PGPEP1L: variants seen among roughly 807,000 people sequenced by gnomAD.
The protein encoded by PGPEP1L is pyroglutamyl-peptidase I like.
A neutral mutation model predicts 6.0 loss-of-function variants in PGPEP1L; 7 were observed. The ratio of observed to expected loss-of-function variants is 1.17; its 90% CI spans 0.66 to 2.19. The LOEUF is 2.19. Among genes scored for constraint, PGPEP1L ranks in the 30% most tolerant of loss-of-function variants. The pLI is 0.00. For synonymous variants in PGPEP1L, 103 were observed against 83.9 expected, an observed-to-expected ratio of 1.23 and a Z score of -1.24; for missense variants, 209 against 192.5, an observed-to-expected ratio of 1.09 and a Z score of -0.51.
Position 98,969,592 on chromosome 15 carries a change from G to C in PGPEP1L, c.42C>G (p.Gly14=), listed in dbSNP as rs61743649. Residue 14 remains glycine, a synonymous_variant, in exon 4 of 5, where the codon GGC becomes GGG. Transcript: ENST00000535714. ...CGGCGTCCCGGTAGCCTTGGTTCTTGCCAGACTGTTCCAGAATGATCGCCT... is the reference window on the plus strand; with the variant it reads ...CGGCGTCCCGGTAGCCTTGGTTCTTCCCAGACTGTTCCAGAATGATCGCCT... ...AAKAIILEQS[G]KNQGYRDADI... The C allele has an allele frequency of 7.2e-4, 1,157 of 1,613,690 alleles. 2 individuals carry two copies. The highest frequency in any genetic ancestry group is 9.3e-4 in the Admixed American group (56 of 60,032).
At chr15:98,974,740 T>G (rs1011423108) in intron 2 of PGPEP1L, among the ~76,000 whole-genome samples, 3 of 152,014 alleles carry the variant, frequency 2.0e-5, no homozygotes, top group African/African-American at 4.8e-5. Flanking sequence ...CCACTAAAAA[T>G]ACAAAAATTA....
chr15:98,986,858 AAT>A lies in PGPEP1L; in HGVS notation c.-141-15702_-141-15701del, dbSNP rs1555471528. Among the ~76,000 whole-genome samples the A allele has an allele frequency of 2.6e-5, 4 of 152,134 alleles. No individual in the cohort carries two copies. The South Asian group carries it at 6.2e-4, about 24-fold the overall frequency. On this transcript the variant is annotated intron_variant, in intron 2 of 4. Coordinates refer to ENST00000535714, the MANE Select transcript of PGPEP1L (RefSeq NM_001167902.2). ...TTGTGCTCCACATCAGGAATGGATA[AAT>A]ATGTCAGACTTAGAAGAGCTAATTT...
rs1316952019 is a variant in PGPEP1L at position 99,004,690 on chromosome 15, C to A, written c.-142+739G>T. Among the ~76,000 whole-genome samples the A allele has an allele frequency of 4.6e-5, 7 of 152,278 alleles. No homozygotes were observed. The East Asian group carries it at 9.6e-4, about 21-fold the overall frequency. The stretch of plus-strand genomic sequence containing the variant: ...CTGAGCTTACGCCACTGCACTCTAG[C>A]CTAGCGACAGAACAAGACTCTGTCT... On this transcript the variant is annotated intron_variant, in intron 2 of 4. Coordinates refer to ENST00000535714, the MANE Select transcript of PGPEP1L (RefSeq NM_001167902.2).
At chr15:98,972,302 G>A (rs2017507995) in intron 2 of PGPEP1L, among the ~76,000 whole-genome samples, 1 of 151,984 alleles carries the variant, frequency 6.6e-6, no homozygotes, top group Admixed American at 6.6e-5. Context: ...GCAGTGAACT[G>A]AGATCGTGCC....
intron 2 of PGPEP1L, among the ~76,000 whole-genome samples, chr15:98,986,557 A>G (rs1418137153): frequency 6.6e-6 from 1 of 152,238 alleles, no homozygotes; most frequent in Admixed American, 6.5e-5. Flanking sequence ...CAATGTAAGT[A>G]TAGCACATTC....
chr15:99,004,173 C>T (rs1439016906), intron 2 of PGPEP1L, among the ~76,000 whole-genome samples: 2 of 148,658 alleles, frequency 1.3e-5, no homozygotes, highest in South Asian at 2.2e-4. Context: ...GAGGCCAAGG[C>T]GGGAGGATCA....
chr15:98,979,483 A>G (rs1226340245), intron 2 of PGPEP1L, among the ~76,000 whole-genome samples: 3 of 152,218 alleles, frequency 2.0e-5, no homozygotes, highest in African/African-American at 4.8e-5. Context: ...ACAATTTGCA[A>G]TTGCAGAAAT....
chr15:99,006,696 T>G (rs1477874613), intron 1 of PGPEP1L, among the ~76,000 whole-genome samples: 1 of 152,226 alleles, frequency 6.6e-6, no homozygotes, highest in Non-Finnish European at 1.5e-5. Context: ...ATGCCCATAG[T>G]CCTGGCTTCT....
chr15:99,006,270 T>G (rs1313359408), intron 1 of PGPEP1L, among the ~76,000 whole-genome samples: 1 of 152,196 alleles, frequency 6.6e-6, no homozygotes, highest in Non-Finnish European at 1.5e-5. Context: ...GCTTGCCACC[T>G]AGCTAGCGTC....
At chr15:98,973,768 T>C (rs941428527) in intron 2 of PGPEP1L, among the ~76,000 whole-genome samples, 1 of 151,960 alleles carries the variant, frequency 6.6e-6, no homozygotes, top group African/African-American at 2.4e-5. Context: ...AGACTTCAAA[T>C]AAACAGCCTA....
intron 2 of PGPEP1L, among the ~76,000 whole-genome samples, chr15:99,000,377 TGAGGA>T (rs1457588454): frequency 1.3e-5 from 2 of 152,274 alleles, no homozygotes; most frequent in East Asian, 3.9e-4. Context: ...CCCCAAGGGC[TGAGGA>T]GTGCGGGCAC....
In PGPEP1L at chr15:98,968,555, C is replaced by A. The variant is rs750354637; in HGVS notation, c.352G>T (p.Glu118Ter). 1.3e-6 allele frequency: 2 copies of A among 1,597,272 alleles called. No homozygotes were observed. Among genetic ancestry groups the A allele is most frequent in the Admixed American group, 1.7e-5 (1 of 57,706 alleles). ...CTGTGCTTGGGCTTTCCCACCTCTT[C>A]CAGCATTTCCTGGATGATGACTCTC... Reference protein sequence around the residue: ...ALRVIIQEMLEEVGKPKHRAQ... With the variant: ...ALRVIIQEML The change falls in exon 5 of 5, where the codon GAA becomes TAA. Residue 118 changes from glutamate to a stop codon, truncating the protein, a stop_gained. Coordinates refer to ENST00000535714, the MANE Select transcript of PGPEP1L (RefSeq NM_001167902.2). LOFTEE classifies it low-confidence loss of function (END_TRUNC).
intron 2 of PGPEP1L, among the ~76,000 whole-genome samples, chr15:98,993,630 T>C (rs1483205351): frequency 9.2e-6 from 1 of 109,286 alleles, no homozygotes; most frequent in Non-Finnish European, 1.7e-5. Context: ...TGAGAACACA[T>C]GGACACAGGG....
rs572002033 is a variant in PGPEP1L at position 99,005,075 on chromosome 15, A to C, written c.-142+354T>G. On this transcript the variant is annotated intron_variant, in intron 2 of 4. Transcript: ENST00000535714. ...TGCTATGAGCCTGCACCCCCAAGGG[A>C]TACCTCACGTGCCTCGGGCCCCACT... 2.6e-3 allele frequency among the ~76,000 whole-genome samples: 402 copies of C among 151,932 alleles called. 1 individual carries two copies. The highest frequency in any genetic ancestry group is 8.8e-3 in the African/African-American group (367 of 41,472).
Position 98,979,633 on chromosome 15 carries a change from CTTTTTTTTT to C in PGPEP1L, c.-141-8484_-141-8476del, listed in dbSNP as rs568793204. On this transcript the variant is annotated intron_variant, in intron 2 of 4. Transcript: ENST00000535714. ...AACCTGGATGGGATTGGAGACTATT[CTTTTTTTTT>C]TTTTTTTTTTTTTTTTTTTTTTTTT... 9.9e-3 allele frequency among the ~76,000 whole-genome samples: 456 copies of C among 46,292 alleles called. 1 individual carries two copies. The highest frequency in any genetic ancestry group is 0.026 in the African/African-American group (431 of 16,490). The allele number at this position is 46,292 out of a possible 152,430, so 30.4% of individuals were successfully genotyped here. A position where few individuals can be genotyped will look rare whatever the true frequency, so the allele number is the denominator to read the frequency against.
At chr15:98,981,272 C>T (rs567534597) in intron 2 of PGPEP1L, among the ~76,000 whole-genome samples, 7 of 152,190 alleles carry the variant, frequency 4.6e-5, no homozygotes, top group South Asian at 4.1e-4. Context: ...GCGGGCGGAT[C>T]ACGAGGTCAG....
chr15:99,000,851 G>T (rs1394111358), intron 2 of PGPEP1L, among the ~76,000 whole-genome samples: 1 of 152,102 alleles, frequency 6.6e-6, no homozygotes, highest in Non-Finnish European at 1.5e-5. Flanking sequence ...ACCCACTCGG[G>T]TCCCCTTCCA....
At chr15:98,990,448 C>T (rs2017804145) in intron 2 of PGPEP1L, among the ~76,000 whole-genome samples, 1 of 152,288 alleles carries the variant, frequency 6.6e-6, no homozygotes, top group African/African-American at 2.4e-5. Context: ...TATAGGAGCA[C>T]CCAGATTCAT....
chr15:98,998,421 A>G (rs1181161558), intron 2 of PGPEP1L, among the ~76,000 whole-genome samples: 1 of 152,228 alleles, frequency 6.6e-6, no homozygotes, highest in East Asian at 1.9e-4. Flanking sequence ...CCCACTGCCA[A>G]GCTGCGAGGG....
Sources: allele counts gnomAD v4.1 joint callset (sites outside exome capture counted in the v4.1 genomes callset), GRCh38; gene constraint gnomAD v4.1.1; transcripts MANE v1.5; gene names NCBI Gene and HGNC (gene_info 2026-07-23, HGNC 2026-07-21).